Variants in RNF180 observed in about 807,000 individuals in gnomAD.
RNF180 encodes the protein ring finger protein 180, also known as E3 ubiquitin-protein ligase RNF180.
A neutral mutation model predicts 59.2 loss-of-function variants in RNF180; 38 were observed. The observed-to-expected ratio is 0.64, with a 90% confidence interval of 0.50 to 0.84. The LOEUF (loss-of-function observed/expected upper bound fraction) is 0.84. RNF180 is among the 40% of genes least tolerant of loss of function. The pLI is 0.00. For synonymous variants in RNF180, 262 were observed against 240.3 expected (o/e 1.09, Z -0.84); for missense variants, 705 against 700.9 (o/e 1.01, Z -0.07).
chr5:64,230,680 GGCCTCTTTGAA>G (rs780311011), intron 5 of RNF180, among the ~76,000 whole-genome samples: 60 of 152,248 alleles, frequency 3.9e-4, no homozygotes, highest in African/African-American at 1.2e-3. Flanking sequence ...TTAGGATGTG[GGCCTCTTTGAA>G]GTGGGGAGGG....
chr5:64,184,466 C>G (rs1390892733), intron 1 of RNF180, among the ~76,000 whole-genome samples: 1 of 152,066 alleles, frequency 6.6e-6, no homozygotes, highest in Non-Finnish European at 1.5e-5. Flanking sequence ...TATAATCACC[C>G]TTCATTTTTT....
chr5:64,206,050 A>G (rs7734021), intron 2 of RNF180, among the ~76,000 whole-genome samples: 3 of 152,206 alleles, frequency 2.0e-5, no homozygotes, highest in Non-Finnish European at 4.4e-5. Flanking sequence ...TTCAGTGTGC[A>G]GATTGTATAC....
chr5:64,366,067 C>A (rs1393564204), intron 7 of RNF180, among the ~76,000 whole-genome samples: 2 of 151,420 alleles, frequency 1.3e-5, no homozygotes, highest in Non-Finnish European at 3.0e-5. Context: ...TATAGTGTCA[C>A]TGGTCTGTGA....
intron 5 of RNF180, among the ~76,000 whole-genome samples, chr5:64,324,406 G>A (rs1744524786): frequency 6.6e-6 from 1 of 152,182 alleles, no homozygotes; most frequent in Non-Finnish European, 1.5e-5. Flanking sequence ...ATTACCCAGA[G>A]AAAACCCCCA....
chr5:64,227,201 C>T (rs1277057255), intron 5 of RNF180, among the ~76,000 whole-genome samples: 3 of 152,174 alleles, frequency 2.0e-5, no homozygotes, highest in African/African-American at 4.8e-5. Context: ...GAACAGGCAG[C>T]GGTGGGGCCT....
At chr5:64,357,805 G>GA (rs1364257184) in intron 7 of RNF180, among the ~76,000 whole-genome samples, 1 of 151,688 alleles carries the variant, frequency 6.6e-6, no homozygotes, top group Non-Finnish European at 1.5e-5. Context: ...ATTCCGTAGC[G>GA]AAAAAAAGTC....
rs1284388737 is a variant in RNF180, at chr5:64,340,802, A to G, written c.1579+10396A>G. Among the ~76,000 whole-genome samples, 5 of 152,302 alleles carry G rather than the reference A, an allele frequency of 3.3e-5. No individual in the cohort carries two copies. In the East Asian group the frequency reaches 9.6e-4, roughly 29 times the overall value. On this transcript the variant is annotated intron_variant, in intron 7 of 7. Transcript: ENST00000389100. ...AGAATTTCAGAAGCCTTTTGCTTCT[A>G]TATTAAGTTCATGACCCAAATGACT...
chr5:64,267,650 A>G (rs926538394), intron 5 of RNF180, among the ~76,000 whole-genome samples: 6 of 152,046 alleles, frequency 3.9e-5, no homozygotes, highest in Admixed American at 6.6e-5. Flanking sequence ...ATGGTTTCCA[A>G]TTTCATCCAT....
At chr5:64,203,467 C>T (rs1325390137) in intron 2 of RNF180, among the ~76,000 whole-genome samples, 1 of 152,052 alleles carries the variant, frequency 6.6e-6, no homozygotes, top group African/African-American at 2.4e-5. Context: ...TTCCTCAGGC[C>T]TATTTGTCCT....
intron 5 of RNF180, among the ~76,000 whole-genome samples, chr5:64,268,170 C>G (rs899940715): frequency 2.0e-5 from 3 of 152,054 alleles, no homozygotes; most frequent in African/African-American, 7.2e-5. Context: ...TGGTGAAGTT[C>G]AAATTATGCC....
At chr5:64,200,418 G>T (rs1358255285) in intron 1 of RNF180, among the ~76,000 whole-genome samples, 1 of 152,166 alleles carries the variant, frequency 6.6e-6, no homozygotes, top group Non-Finnish European at 1.5e-5. Flanking sequence ...TTGTGCCACG[G>T]TACCCCAGCC....
intron 5 of RNF180, among the ~76,000 whole-genome samples, chr5:64,221,045 G>A (rs1741300854): frequency 6.6e-6 from 1 of 151,982 alleles, no homozygotes; most frequent in Admixed American, 6.5e-5. Context: ...CATTTTCATG[G>A]ATCTGCATAT....
chr5:64,224,103 GTACA>G lies in RNF180; in HGVS notation c.1227+6714_1227+6717del, dbSNP rs533917572. On this transcript the variant is annotated intron_variant, in intron 5 of 7. Coordinates refer to ENST00000389100, the MANE Select transcript of RNF180 (RefSeq NM_001113561.2). ...TGTGTGTGTGTGTGTGTGTGTGTGTGTACATACATATTTATATCTCAAGTTATTC... is the reference window on the plus strand; with the variant it reads ...TGTGTGTGTGTGTGTGTGTGTGTGTGTACATATTTATATCTCAAGTTATTC... Among the ~76,000 whole-genome samples the G allele has an allele frequency of 1.4e-3, 202 of 147,228 alleles. 4 individuals carry two copies. The South Asian group carries it at 0.041, about 30-fold the overall frequency.
intron 1 of RNF180, among the ~76,000 whole-genome samples, chr5:64,196,918 A>G (rs745911344): frequency 1.3e-5 from 2 of 152,154 alleles, no homozygotes; most frequent in Non-Finnish European, 2.9e-5. Flanking sequence ...TGGAGAAGGT[A>G]TCTGAGTTCT....
chr5:64,330,437 T>C, intron 7 of RNF180, 31 bp downstream of exon 7: 1 of 1,522,794 alleles, frequency 6.6e-7, no homozygotes, highest in Non-Finnish European at 8.8e-7. Context: ...AAAAAAAGTC[T>C]GGTAATTTTG....
Position 64,369,918 on chromosome 5 carries a change from C to G in RNF180, c.*104C>G, listed in dbSNP as rs1007265284. On this transcript the variant is annotated 3_prime_UTR_variant, in exon 8 of 8. Transcript: ENST00000389100. ...GAAGTTTTTTTAATGTTGCATTATA[C>G]AAATTGTTGATGTTTATAGAAAGCC... 5 of 604,140 alleles carry G rather than the reference C, an allele frequency of 8.3e-6. No individual in the cohort carries two copies. In the South Asian group the frequency reaches 1.5e-4, roughly 18 times the overall value. 37.4% of individuals were successfully genotyped at this position (604,140 alleles called of 1,614,324 possible).
chr5:64,213,848 C>A lies in RNF180; in HGVS notation c.522C>A (p.Asp174Glu), dbSNP rs1752453900. 1.9e-6 allele frequency: 3 copies of A among 1,613,938 alleles called. No homozygotes were observed. Among genetic ancestry groups the A allele is most frequent in the East Asian group, 2.2e-5 (1 of 44,890 alleles). Residue 174 changes from aspartate to glutamate, a missense_variant, in exon 4 of 8, where the codon GAC becomes GAA. Asp to Glu is a conservative substitution (Grantham distance 45, BLOSUM62 2). Transcript: ENST00000389100. ...TAAACATGGCCCGAAATAATAATGACCCTGGAAGATTAACAGAAGCACTCT... is the reference window on the plus strand; with the variant it reads ...TAAACATGGCCCGAAATAATAATGAACCTGGAAGATTAACAGAAGCACTCT... ...RLLNMARNNN[D>E]PGRLTEALCL...
intron 5 of RNF180, among the ~76,000 whole-genome samples, chr5:64,244,418 A>C (rs1159942865): frequency 6.6e-6 from 1 of 152,144 alleles, no homozygotes; most frequent in African/African-American, 2.4e-5. Context: ...CTGAAAAAAA[A>C]CAGCATGAAA....
At chr5:64,323,178 G>A (rs1333180248) in intron 5 of RNF180, among the ~76,000 whole-genome samples, 2 of 152,144 alleles carry the variant, frequency 1.3e-5, no homozygotes, top group Non-Finnish European at 2.9e-5. Context: ...GTCTTGTTCA[G>A]AAGGGGGAGA....
Sources: allele counts gnomAD v4.1 joint callset (sites outside exome capture counted in the v4.1 genomes callset), GRCh38; gene constraint gnomAD v4.1.1; transcripts MANE v1.5; gene names NCBI Gene and HGNC (gene_info 2026-07-23, HGNC 2026-07-21).